TENM4: variants seen among roughly 807,000 people sequenced by gnomAD.
TENM4 encodes teneurin transmembrane protein 4.
A neutral mutation model predicts 243.3 loss-of-function variants in TENM4; 82 were observed. That is an observed-to-expected ratio of 0.34 (90% CI 0.28 to 0.40). The LOEUF is 0.40. Ranked by LOEUF, TENM4 falls within the 10% of genes least tolerant of loss-of-function variation. TENM4 has a pLI of 1.00. For synonymous variants in TENM4, 1,412 were observed against 1,456.3 expected (o/e 0.97, Z 0.69); for missense variants, 3,138 against 3,673.3 (o/e 0.85, Z 3.77).
chr11:79,383,220 C>T (rs115859848), intron 1 of TENM4, among the ~76,000 whole-genome samples: 2,262 of 152,292 alleles, frequency 0.015, 52 homozygotes, highest in African/African-American at 0.051. Flanking sequence ...CTCCGCCTTG[C>T]TTCAGTGCTG....
intron 12 of TENM4, among the ~76,000 whole-genome samples, chr11:78,825,890 G>C (rs780867475): frequency 6.6e-6 from 1 of 152,106 alleles, no homozygotes; most frequent in Non-Finnish European, 1.5e-5. Context: ...CTGCTGGCTA[G>C]AGAGTTCCAT....
intron 2 of TENM4, among the ~76,000 whole-genome samples, chr11:79,260,701 C>T (rs1277538912): frequency 6.6e-6 from 1 of 152,156 alleles, no homozygotes; most frequent in Admixed American, 6.5e-5. Context: ...CTCCCTTCTT[C>T]CTCCTCAAGC....
chr11:79,270,144 C>T (rs1490810583), intron 2 of TENM4, among the ~76,000 whole-genome samples: 1 of 152,154 alleles, frequency 6.6e-6, no homozygotes, highest in Non-Finnish European at 1.5e-5. Flanking sequence ...TGCCTGGCCA[C>T]CTGCAGGAGC....
At chr11:78,816,174 A>T (rs1440722657) in intron 12 of TENM4, among the ~76,000 whole-genome samples, 1 of 152,234 alleles carries the variant, frequency 6.6e-6, no homozygotes, top group Non-Finnish European at 1.5e-5. Context: ...CCAAACAGTA[A>T]AGAAACTAGC....
At chr11:79,082,346 G>A (rs1052378434) in intron 4 of TENM4, among the ~76,000 whole-genome samples, 2 of 152,154 alleles carry the variant, frequency 1.3e-5, no homozygotes, top group East Asian at 1.9e-4. Context: ...GCAACTGATT[G>A]TGCCCTCCTG....
At chr11:79,089,863 G>A (rs1359867635) in intron 4 of TENM4, among the ~76,000 whole-genome samples, 3 of 152,174 alleles carry the variant, frequency 2.0e-5, no homozygotes, top group Non-Finnish European at 4.4e-5. Context: ...CCATTTTATA[G>A]AAACTGAGAA....
At chr11:79,087,082 G>A (rs1860827266) in intron 4 of TENM4, among the ~76,000 whole-genome samples, 1 of 152,098 alleles carries the variant, frequency 6.6e-6, no homozygotes, top group African/African-American at 2.4e-5. Flanking sequence ...TTCTGTCCTT[G>A]CAAATGTAGG....
intron 7 of TENM4, among the ~76,000 whole-genome samples, chr11:78,902,488 G>A (rs1855951776): frequency 6.6e-6 from 1 of 152,206 alleles, no homozygotes; most frequent in African/African-American, 2.4e-5. Context: ...TGGCTGGGGT[G>A]TAGGTGAAGC....
At chr11:79,421,074 G>A (rs769949733) in intron 1 of TENM4, among the ~76,000 whole-genome samples, 92 of 152,142 alleles carry the variant, frequency 6.0e-4, no homozygotes, top group Non-Finnish European at 9.4e-4. Flanking sequence ...TTTTTTAAAC[G>A]TGACTCTCCC....
At chr11:79,335,854 G>A (rs772525475) in intron 1 of TENM4, among the ~76,000 whole-genome samples, 7 of 152,162 alleles carry the variant, frequency 4.6e-5, no homozygotes, top group Non-Finnish European at 4.4e-5. Flanking sequence ...GGTTGCCTAG[G>A]GGTCTCAAAG....
At chr11:79,419,440 G>A (rs1858885303) in intron 1 of TENM4, among the ~76,000 whole-genome samples, 1 of 152,212 alleles carries the variant, frequency 6.6e-6, no homozygotes, top group African/African-American at 2.4e-5. Context: ...GGATGGATGT[G>A]TTCCCTCCTG....
intron 6 of TENM4, among the ~76,000 whole-genome samples, chr11:79,057,303 A>G (rs1441234899): frequency 6.6e-6 from 1 of 151,508 alleles, no homozygotes; most frequent in African/African-American, 2.4e-5. Flanking sequence ...CTCCTCTACC[A>G]TCTAGCCACT....
At chr11:79,360,135 T>C (rs1857566796) in intron 1 of TENM4, among the ~76,000 whole-genome samples, 1 of 152,184 alleles carries the variant, frequency 6.6e-6, no homozygotes, top group Admixed American at 6.5e-5. Flanking sequence ...GGATAATATT[T>C]ATTCTGCTTT....
intron 2 of TENM4, among the ~76,000 whole-genome samples, chr11:79,257,994 T>C (rs1035197456): frequency 3.3e-5 from 5 of 152,186 alleles, no homozygotes; most frequent in African/African-American, 1.2e-4. Context: ...GCCTTCTTCC[T>C]GCAAACACCT....
intron 6 of TENM4, among the ~76,000 whole-genome samples, chr11:79,024,613 A>C (rs1361136353): frequency 6.6e-6 from 1 of 152,108 alleles, no homozygotes; most frequent in African/African-American, 2.4e-5. Context: ...TCTCCTCAAT[A>C]AGAAGGTGAG....
intron 1 of TENM4, among the ~76,000 whole-genome samples, chr11:79,325,978 G>A (rs1856968880): frequency 6.6e-6 from 1 of 152,228 alleles, no homozygotes; most frequent in Admixed American, 6.5e-5. Context: ...CATTAAACAT[G>A]AGCCTGCTCG....
chr11:79,323,944 A>G (rs557037904), intron 1 of TENM4, among the ~76,000 whole-genome samples: 66 of 152,126 alleles, frequency 4.3e-4, no homozygotes, highest in African/African-American at 1.5e-3. Flanking sequence ...TACATACATA[A>G]AGCTACATAT....
chr11:79,166,848 CAGA>C (rs1435925592), intron 3 of TENM4, among the ~76,000 whole-genome samples: 1 of 152,070 alleles, frequency 6.6e-6, no homozygotes, highest in Non-Finnish European at 1.5e-5. Flanking sequence ...AAGTTCCAAA[CAGA>C]AGAAGAATGA....
At chr11:78,951,776 G>A (rs1857113350) in intron 6 of TENM4, among the ~76,000 whole-genome samples, 1 of 152,062 alleles carries the variant, frequency 6.6e-6, no homozygotes, top group African/African-American at 2.4e-5. Flanking sequence ...CCTTATCTCT[G>A]ATGCCATCAC....
Sources: allele counts gnomAD v4.1 joint callset (sites outside exome capture counted in the v4.1 genomes callset), GRCh38; gene constraint gnomAD v4.1.1; transcripts MANE v1.5; gene names NCBI Gene and HGNC (gene_info 2026-07-23, HGNC 2026-07-21).